Variants in DLGAP1 observed in about 807,000 individuals in gnomAD.
DLGAP1 encodes the protein disks large-associated protein 1.
A neutral mutation model predicts 90.8 loss-of-function variants in DLGAP1; 11 were observed. The observed-to-expected ratio is 0.12, with a 90% CI of 0.08 to 0.20. DLGAP1 has a LOEUF of 0.20. Among genes scored for constraint, DLGAP1 ranks in the 10% least tolerant of loss-of-function variants. DLGAP1 has a pLI of 1.00. For synonymous variants in DLGAP1, 558 were observed against 540.7 expected (o/e 1.03, Z -0.44); for missense variants, 1,050 against 1,333.8 (o/e 0.79, Z 3.31).
At chr18:4,156,620 AAG>A (rs1408390581) in intron 1 of DLGAP1, among the ~76,000 whole-genome samples, 4 of 152,196 alleles carry the variant, frequency 2.6e-5, no homozygotes, top group African/African-American at 9.7e-5. Context: ...TAAGTCATAA[AAG>A]AGAATTTCCA....
intron 1 of DLGAP1, among the ~76,000 whole-genome samples, chr18:4,299,026 A>G (rs1598846032): frequency 6.8e-6 from 1 of 146,428 alleles, no homozygotes; most frequent in East Asian, 2.0e-4. Context: ...GCTTGCGGTG[A>G]GCCCAGATCA....
In DLGAP1 at chr18:3,517,248, C is replaced by T. The variant is rs573783385; in HGVS notation, c.2480-8587G>A. 1.3e-5 allele frequency among the ~76,000 whole-genome samples: 2 copies of T among 152,284 alleles called. No individual in the cohort carries two copies. Among genetic ancestry groups the T allele is most frequent in the Admixed American group, 6.5e-5 (1 of 15,294 alleles). The stretch of plus-strand genomic sequence containing the variant: ...CCTGAGCCCCTAACAAGAGAGTGAG[C>T]CTGTCCTTTGAAGCTATGAAAGACC... On this transcript the variant is annotated intron_variant, in intron 10 of 12. Transcript: ENST00000315677. The surrounding 1 kb of genome is among the most constrained non-coding windows in gnomAD (Gnocchi z 4.1).
intron 7 of DLGAP1, among the ~76,000 whole-genome samples, chr18:3,593,187 G>A (rs538945533): frequency 2.0e-5 from 3 of 152,202 alleles, no homozygotes; most frequent in African/African-American, 7.2e-5. Flanking sequence ...TGGTTTCCAC[G>A]AGGGACTCCT....
intron 1 of DLGAP1, among the ~76,000 whole-genome samples, chr18:4,314,576 C>T (rs1390221837): frequency 6.6e-6 from 1 of 152,254 alleles, no homozygotes; most frequent in Middle Eastern, 3.4e-3. Flanking sequence ...AAGTGATTTA[C>T]AGCATGTATC....
At chr18:3,826,845 T>G (rs950499413) in intron 4 of DLGAP1, among the ~76,000 whole-genome samples, 2 of 152,110 alleles carry the variant, frequency 1.3e-5, no homozygotes, top group African/African-American at 4.8e-5. Context: ...TGGAGGCTCA[T>G]GCAATAACCT....
intron 5 of DLGAP1, among the ~76,000 whole-genome samples, chr18:3,806,367 T>C (rs2148370924): frequency 6.6e-6 from 1 of 152,350 alleles, no homozygotes; most frequent in Middle Eastern, 3.4e-3. Flanking sequence ...TTCTTTGTAG[T>C]GCCTGCTTTT....
At chr18:3,684,356 ATT>A (rs71160911) in intron 7 of DLGAP1, among the ~76,000 whole-genome samples, 18 of 109,226 alleles carry the variant, frequency 1.6e-4, no homozygotes, top group Admixed American at 4.1e-4. Flanking sequence ...TGCCTGGCTA[ATT>A]TTTTTTTTTT....
chr18:3,918,116 G>A (rs2072187499), intron 3 of DLGAP1, among the ~76,000 whole-genome samples: 1 of 152,188 alleles, frequency 6.6e-6, no homozygotes, highest in East Asian at 1.9e-4. Flanking sequence ...ACATTCTGAA[G>A]AATCAAGATT....
chr18:3,507,128 G>A (rs573096461), intron 11 of DLGAP1, among the ~76,000 whole-genome samples: 3 of 152,064 alleles, frequency 2.0e-5, no homozygotes, highest in African/African-American at 4.8e-5. Flanking sequence ...ATTTTCTCTC[G>A]GTTGATCCCT....
At chr18:4,011,293 C>T (rs1176303573) in intron 2 of DLGAP1, among the ~76,000 whole-genome samples, 2 of 151,342 alleles carry the variant, frequency 1.3e-5, no homozygotes, top group Non-Finnish European at 2.9e-5. Flanking sequence ...AGGGAGAGGG[C>T]GTGGGAGAGA....
chr18:4,112,253 CTAATT>C (rs1003814540), intron 2 of DLGAP1, among the ~76,000 whole-genome samples: 102 of 151,932 alleles, frequency 6.7e-4, no homozygotes, highest in African/African-American at 2.4e-3. Context: ...TTGTTGATTT[CTAATT>C]TAATTCTGTT....
At chr18:3,990,485 G>A (rs1475298920) in intron 3 of DLGAP1, among the ~76,000 whole-genome samples, 2 of 147,022 alleles carry the variant, frequency 1.4e-5, no homozygotes, top group East Asian at 2.0e-4. Context: ...GGACTGTTGT[G>A]GGGTGGGGGA....
At chr18:4,038,378 G>A (rs979303693) in intron 2 of DLGAP1, among the ~76,000 whole-genome samples, 1 of 152,040 alleles carries the variant, frequency 6.6e-6, no homozygotes, top group African/African-American at 2.4e-5. Context: ...CTTCAGTCTG[G>A]GGGGGTTAGG....
chr18:4,020,907 C>G (rs539575285), intron 2 of DLGAP1, among the ~76,000 whole-genome samples: 188 of 152,250 alleles, frequency 1.2e-3, no homozygotes, highest in African/African-American at 4.2e-3. Flanking sequence ...AGTTATTTTG[C>G]ACAACCTGTG....
chr18:4,031,085 A>T (rs1273146680), intron 2 of DLGAP1, among the ~76,000 whole-genome samples: 1 of 152,112 alleles, frequency 6.6e-6, no homozygotes, highest in Non-Finnish European at 1.5e-5. Context: ...ACATGGCGCC[A>T]TTCCTATTGA....
intron 1 of DLGAP1, chr18:4,293,807 T>G (rs1300276624): frequency 6.6e-6 from 1 of 152,180 alleles, no homozygotes; most frequent in Non-Finnish European, 1.5e-5. Flanking sequence ...TACTCCTTCC[T>G]CACCTCCACC....
chr18:3,587,736 G>T (rs931314836), intron 7 of DLGAP1, among the ~76,000 whole-genome samples: 4 of 152,076 alleles, frequency 2.6e-5, no homozygotes, highest in Non-Finnish European at 4.4e-5. Flanking sequence ...CTTCATTCCT[G>T]AAGTCAGCGA....
At chr18:3,943,500 G>C (rs896372712) in intron 3 of DLGAP1, among the ~76,000 whole-genome samples, 1 of 145,140 alleles carries the variant, frequency 6.9e-6, no homozygotes, top group South Asian at 2.2e-4. Flanking sequence ...TCACTGCTAG[G>C]AAATGGTCTG....
intron 3 of DLGAP1, among the ~76,000 whole-genome samples, chr18:3,993,606 G>A (rs1415641803): frequency 6.6e-6 from 1 of 152,120 alleles, no homozygotes; most frequent in African/African-American, 2.4e-5. Flanking sequence ...TTTCCCTGGT[G>A]GAGTTTCAAG....
Sources: allele counts gnomAD v4.1 joint callset (sites outside exome capture counted in the v4.1 genomes callset), GRCh38; gene constraint gnomAD v4.1.1; non-coding constraint Gnocchi (gnomAD v3.1); transcripts MANE v1.5; gene names NCBI Gene and HGNC (gene_info 2026-07-23, HGNC 2026-07-21).